The following RAD21L1 variants were observed in gnomAD, a reference collection of about 807,000 sequenced individuals.
RAD21L1 encodes the protein RAD21 cohesin complex component like 1.
RAD21L1 carries 47 observed loss-of-function variants against 69.0 expected under a neutral mutation model. That is an observed-to-expected ratio of 0.68 (90% CI 0.54 to 0.87). The LOEUF (loss-of-function observed/expected upper bound fraction) is 0.87. RAD21L1 is among the 40% of genes least tolerant of loss of function. RAD21L1 has a pLI of 0.00. For missense variants in RAD21L1, 583 were observed against 647.6 expected (o/e 0.90, Z 1.08); for synonymous variants, 177 against 205.8 (o/e 0.86, Z 1.20).
intron 12 of RAD21L1, among the ~76,000 whole-genome samples, chr20:1,247,072 ATTACCTGAACTTT>A (rs2087731911): frequency 6.6e-6 from 1 of 152,218 alleles, no homozygotes; most frequent in African/African-American, 2.4e-5. Flanking sequence ...GACAGAATAA[ATTACCTGAACTTT>A]TTACCTGAAG....
Position 1,228,544 on chromosome 20 carries a change from C to T in RAD21L1, c.91C>T (p.His31Tyr). ...AHWEKKLTKA[H>Y]VFECNLEITI... ...CTGGGAGAAGAAACTCACAAAGGCC[C>T]ATGTATTTGAATGTAATCTAGAGAT... Residue 31 changes from histidine (H) to tyrosine (Y), a missense_variant, in exon 2 of 14, where the codon CAT becomes TAT. Coordinates refer to ENST00000683101, the MANE Select transcript of RAD21L1 (RefSeq NM_001384355.1). 1 of 1,550,096 alleles carries T rather than the reference C, an allele frequency of 6.5e-7. No individual in the cohort carries two copies. Among genetic ancestry groups the T allele is most frequent in the South Asian group, 1.2e-5 (1 of 83,806 alleles).
chr20:1,251,152 G>A (rs777982771), intron 13 of RAD21L1, among the ~76,000 whole-genome samples: 2 of 152,092 alleles, frequency 1.3e-5, no homozygotes, highest in Non-Finnish European at 2.9e-5. Context: ...TACCTTTAAC[G>A]TGATTGATTG....
At chr20:1,252,656 T>C (rs1187657616) in intron 13 of RAD21L1, among the ~76,000 whole-genome samples, 1 of 135,172 alleles carries the variant, frequency 7.4e-6, no homozygotes, top group African/African-American at 2.5e-5. Flanking sequence ...TGAGTAGCGG[T>C]CTCCGCTACT....
In RAD21L1 at chr20:1,246,366, C is replaced by T; in HGVS notation, c.1401+61C>T. On this transcript the variant is annotated intron_variant, in intron 12 of 13. Transcript: ENST00000683101. This position sits in a 1 kb window ranked among gnomAD's most constrained non-coding sequence, Gnocchi z 4.6. The stretch of plus-strand genomic sequence containing the variant: ...AACTTTATTCCTAAATATTTAACAC[C>T]TTATTTATCTAAAACTTGGCTTTTA... 1 of 734,686 alleles carries T rather than the reference C, an allele frequency of 1.4e-6. No homozygotes were observed. The highest frequency in any genetic ancestry group is 2.1e-6 in the Non-Finnish European group (1 of 487,678). The allele number at this position is 734,686 out of a possible 1,614,324, so 45.5% of individuals were successfully genotyped here.
At chr20:1,230,476 C>A (rs2087366755) in intron 3 of RAD21L1, 2 of 721,816 alleles carry the variant, frequency 2.8e-6, no homozygotes, top group African/African-American at 1.9e-5. Flanking sequence ...TTACATATGT[C>A]ATAAATATAA....
At chr20:1,226,719 C>A (rs1346247468) in intron 1 of RAD21L1, among the ~76,000 whole-genome samples, 3 of 152,178 alleles carry the variant, frequency 2.0e-5, no homozygotes, top group Non-Finnish European at 2.9e-5. Flanking sequence ...TCAGTTCAAT[C>A]TGGAGACTGA....
intron 4 of RAD21L1, 105 bp from the exon 5 acceptor site, chr20:1,233,980 T>A: frequency 1.7e-6 from 1 of 590,296 alleles, no homozygotes; most frequent in Non-Finnish European, 3.0e-6. Flanking sequence ...ATAATACTAT[T>A]GAGAAAATGA....
intron 5 of RAD21L1, among the ~76,000 whole-genome samples, chr20:1,237,337 A>C (rs536014543): frequency 1.5e-4 from 23 of 152,264 alleles, no homozygotes; most frequent in African/African-American, 5.5e-4. Context: ...AGTCAGAGAG[A>C]GCTGGGTTCA....
intron 5 of RAD21L1, among the ~76,000 whole-genome samples, chr20:1,235,597 G>C (rs1243575963): frequency 6.6e-6 from 1 of 151,854 alleles, no homozygotes; most frequent in Non-Finnish European, 1.5e-5. Flanking sequence ...TTTCTTTCTT[G>C]TGGACCAGTA....
At position 1,226,071 on chromosome 20, in the gene RAD21L1, G is replaced by A. The variant is rs1471798878; in HGVS notation, c.-102G>A. On this transcript the variant is annotated 5_prime_UTR_variant, in exon 1 of 14. Coordinates refer to ENST00000683101, the MANE Select transcript of RAD21L1 (RefSeq NM_001384355.1). ...AGACGCCCAGCGGCGCCAAGAACCC[G>A]GCCAAGCTGACTTGGCGACTCCTCG... 1 of 41,674 alleles carries A rather than the reference G, an allele frequency of 2.4e-5. No homozygotes were observed. Among genetic ancestry groups the A allele is most frequent in the Non-Finnish European group, 4.2e-5 (1 of 23,924 alleles). The allele number at this position is 41,674 out of a possible 1,614,324, so 2.6% of individuals were successfully genotyped here.
At chr20:1,245,566 A>G (rs1004045173) in intron 11 of RAD21L1, among the ~76,000 whole-genome samples, 1 of 152,174 alleles carries the variant, frequency 6.6e-6, no homozygotes, top group Non-Finnish European at 1.5e-5. Flanking sequence ...AAGCTTGGAG[A>G]CAGGTTGAAG....
rs1226813472 is a variant in RAD21L1 at position 1,254,660 on chromosome 20, TG to T, written c.*204del. ...CAAAGAAATACTTTAAATTCTGTTT[TG>T]TTTTTTTTTGTTGTTTTTTTAAGGA... On this transcript the variant is annotated 3_prime_UTR_variant, in exon 14 of 14. Coordinates refer to ENST00000683101, the MANE Select transcript of RAD21L1 (RefSeq NM_001384355.1). Among the ~76,000 whole-genome samples, 12 of 133,176 alleles carry T rather than the reference TG, an allele frequency of 9.0e-5. No individual in the cohort carries two copies. The highest frequency in any genetic ancestry group is 1.5e-4 in the Non-Finnish European group (9 of 60,824). 87.4% of individuals were successfully genotyped at this position (133,176 alleles called of 152,430 possible).
chr20:1,237,016 C>A (rs2122805129), intron 5 of RAD21L1, among the ~76,000 whole-genome samples: 1 of 152,254 alleles, frequency 6.6e-6, no homozygotes, highest in East Asian at 1.9e-4. Flanking sequence ...GTAATTTAGT[C>A]TTTTCTTCTG....
In RAD21L1 at chr20:1,246,232, C is replaced by G. The variant is rs1046783680; in HGVS notation, c.1328C>G (p.Ser443Cys). ...INSEDIVEMVSLAAEESSLMN... is the reference protein window; with the variant it reads ...INSEDIVEMVCLAAEESSLMN... ...CAGCAGGATATTGTTGAAATGGTGTCTTTAGCTGCTGAGGAATCATCTTTA... is the reference window on the plus strand; with the variant it reads ...CAGCAGGATATTGTTGAAATGGTGTGTTTAGCTGCTGAGGAATCATCTTTA... The change falls in exon 12 of 14, where the codon TCT becomes TGT. Residue 443 changes from serine (S) to cysteine (C), a missense_variant. Physicochemically the swap from Ser to Cys is moderately radical, Grantham distance 112 (BLOSUM62 -1). Coordinates refer to ENST00000683101, the MANE Select transcript of RAD21L1 (RefSeq NM_001384355.1). The surrounding 1 kb of genome is among the most constrained non-coding windows in gnomAD (Gnocchi z 4.6). 3 of 1,540,052 alleles carry G rather than the reference C, an allele frequency of 1.9e-6. No homozygotes were observed. The highest frequency in any genetic ancestry group is 2.6e-6 in the Non-Finnish European group (3 of 1,142,338).
chr20:1,226,973 G>T (rs570682372), intron 1 of RAD21L1, among the ~76,000 whole-genome samples: 19 of 152,172 alleles, frequency 1.2e-4, no homozygotes, highest in African/African-American at 4.1e-4. Flanking sequence ...GCAGTAGGGC[G>T]ATCGCGGCTC....
At chr20:1,231,481 A>T (rs376759543) in intron 3 of RAD21L1, 45 bp from the exon 4 acceptor site, 72 of 943,614 alleles carry the variant, frequency 7.6e-5, no homozygotes, top group South Asian at 6.6e-4. Flanking sequence ...TCTTTGTTTT[A>T]TATAGCATTG....
intron 3 of RAD21L1, chr20:1,230,802 A>T: frequency 2.1e-6 from 1 of 467,228 alleles, no homozygotes; most frequent in Non-Finnish European, 2.8e-6. Flanking sequence ...TTCGTTTATT[A>T]TTTTTTTACA....
At chr20:1,248,242 G>C (rs1221703011) in intron 12 of RAD21L1, among the ~76,000 whole-genome samples, 1 of 151,874 alleles carries the variant, frequency 6.6e-6, no homozygotes, top group African/African-American at 2.4e-5. Flanking sequence ...GACAGAAATA[G>C]CTGTATGTTT....
chr20:1,227,886 C>T (rs2087298179), intron 1 of RAD21L1, among the ~76,000 whole-genome samples: 2 of 152,004 alleles, frequency 1.3e-5, no homozygotes, highest in African/African-American at 4.8e-5. Flanking sequence ...TTTGGAGTCC[C>T]GTGATTTTAA....
Sources: allele counts gnomAD v4.1 joint callset (sites outside exome capture counted in the v4.1 genomes callset), GRCh38; gene constraint gnomAD v4.1.1; non-coding constraint Gnocchi (gnomAD v3.1); transcripts MANE v1.5; gene names NCBI Gene and HGNC (gene_info 2026-07-23, HGNC 2026-07-21).